Variants in UPF1 observed in about 807,000 individuals in gnomAD.
UPF1 encodes the protein UPF1 RNA helicase and ATPase.
In UPF1, 9 loss-of-function variants were observed where a neutral mutation model predicts 129.2. The observed-to-expected ratio is 0.07, with a 90% CI of 0.04 to 0.12. UPF1 has a LOEUF of 0.12. Among genes scored for constraint, UPF1 ranks in the 10% least tolerant of loss-of-function variants. The probability of loss-of-function intolerance (pLI) is 1.00; values close to 1 mark genes in which losing one functional copy is unlikely to be tolerated. For missense variants in UPF1, 788 were observed against 1,525.3 expected, an observed-to-expected ratio of 0.52 and a Z score of 8.05; for synonymous variants, 649 against 644.9, an observed-to-expected ratio of 1.01 and a Z score of -0.10.
At chr19:18,855,545 C>G (rs2055708051) in intron 11 of UPF1, 1 of 525,918 alleles carries the variant, frequency 1.9e-6, no homozygotes, top group Non-Finnish European at 3.4e-6. Context: ...AAGTTCCAGC[C>G]TTGGCATTGC....
intron 17 of UPF1, 97 bp downstream of exon 17, chr19:18,861,079 T>A: frequency 6.9e-7 from 1 of 1,445,926 alleles, no homozygotes; most frequent in South Asian, 1.4e-5. Context: ...CCGTCCTGGC[T>A]GGAGCTCAGA....
chr19:18,861,580 C>T (rs2055779774), intron 17 of UPF1, among the ~76,000 whole-genome samples: 2 of 152,218 alleles, frequency 1.3e-5, no homozygotes, highest in South Asian at 4.1e-4. Flanking sequence ...CACCTGGAGT[C>T]CCAGCACTTT....
intron 17 of UPF1, among the ~76,000 whole-genome samples, 193 bp downstream of exon 17, chr19:18,861,175 C>G (rs140881005): frequency 1.0e-3 from 152 of 152,354 alleles, no homozygotes; most frequent in Non-Finnish European, 1.6e-3. Flanking sequence ...TCCACATGAT[C>G]AGGACAGAGA....
intron 6 of UPF1, among the ~76,000 whole-genome samples, chr19:18,852,774 C>T (rs1021448592): frequency 2.6e-5 from 4 of 151,984 alleles, no homozygotes; most frequent in African/African-American, 4.8e-5. Context: ...AGCCTCCAGA[C>T]GGGATTGGCC....
At chr19:18,855,853 A>G (rs2055711251) in intron 11 of UPF1, 72 bp from the exon 12 acceptor site, 1 of 1,559,316 alleles carries the variant, frequency 6.4e-7, no homozygotes, top group African/African-American at 1.4e-5. Flanking sequence ...GTCTCAAAAA[A>G]CAGAGTCTTG....
At chr19:18,840,417 G>A (rs1601096955) in intron 1 of UPF1, among the ~76,000 whole-genome samples, 1 of 152,196 alleles carries the variant, frequency 6.6e-6, no homozygotes, top group Non-Finnish European at 1.5e-5. Flanking sequence ...GGGAGGCACC[G>A]TCCTGAGGGC....
At chr19:18,835,919 G>A (rs2055479183) in intron 1 of UPF1, among the ~76,000 whole-genome samples, 2 of 152,220 alleles carry the variant, frequency 1.3e-5, no homozygotes, top group Non-Finnish European at 2.9e-5. Flanking sequence ...AACCCTACCT[G>A]AACTGGTTTT....
rs1337197176 is a variant in UPF1, at chr19:18,845,275, G to A, written c.232-705G>A. ...GCCTATGGGGGCCATGCCAGGGACTGTTGGCCATGTCATTTGAGGTGCTGG... is the reference window on the plus strand; with the variant it reads ...GCCTATGGGGGCCATGCCAGGGACTATTGGCCATGTCATTTGAGGTGCTGG... On this transcript the variant is annotated intron_variant, in intron 1 of 23. Transcript: ENST00000262803. Among the ~76,000 whole-genome samples the A allele has an allele frequency of 2.0e-5, 3 of 152,348 alleles. No individual in the cohort carries two copies. In the East Asian group the frequency reaches 5.8e-4, roughly 29 times the overall value.
chr19:18,850,551 G>A lies in UPF1; in HGVS notation c.630-137G>A. ...AGGGAGATGCGATTTATTACTAACA[G>A]TTTGAAGGTAATGTGATCACATAAT... is the stretch of plus-strand genomic sequence containing the variant. On this transcript the variant is annotated intron_variant, in intron 4 of 23. Transcript: ENST00000262803. The surrounding 1 kb of genome is among the most constrained non-coding windows in gnomAD (Gnocchi z 7.1). 9.9e-7 allele frequency: 1 copy of A among 1,005,620 alleles called. No homozygotes were observed. The highest frequency in any genetic ancestry group is 1.4e-6 in the Non-Finnish European group (1 of 716,800). 62.3% of individuals were successfully genotyped at this position (1,005,620 alleles called of 1,614,324 possible). A position where few individuals can be genotyped will look rare whatever the true frequency, so the allele number is the denominator to read the frequency against.
In UPF1 at chr19:18,856,255, G is replaced by A; in HGVS notation, c.1779G>A (p.Lys593=). 1 of 1,608,228 alleles carries A rather than the reference G, an allele frequency of 6.2e-7. No individual in the cohort carries two copies. Among genetic ancestry groups the A allele is most frequent in the Non-Finnish European group, 8.5e-7 (1 of 1,175,338 alleles). The stretch of plus-strand genomic sequence containing the variant: ...GGGAGCTGTCGTCTGCCGACGAGAA[G>A]CGGTACCGGGCCTTGAAGCGCACCG... ...ETGELSSADE[K]RYRALKRTAE... Residue 593 remains lysine, a synonymous_variant, in exon 13 of 24, where the codon AAG becomes AAA. Transcript: ENST00000262803.
chr19:18,832,279 C>T lies in UPF1; in HGVS notation c.70C>T (p.Leu24Phe). Residue 24 changes from leucine to phenylalanine, a missense_variant, in exon 1 of 24, where the codon CTT (leucine) becomes TTT (phenylalanine). This residue lies in a region of UPF1 where 112 missense variants were observed against 128.2 expected (regional missense o/e 0.87). Coordinates refer to ENST00000262803, the MANE Select transcript of UPF1 (RefSeq NM_002911.4). This position sits in a 1 kb window ranked among gnomAD's most constrained non-coding sequence, Gnocchi z 5.6. ...CCTGGACACGGAGGAGGCCGAGCTG[C>T]TTGGCGCCGACACACAGGGCTCCGA... is the stretch of plus-strand genomic sequence containing the variant. Reference protein sequence around the residue: ...TFLDTEEAELLGADTQGSEFE... With the variant: ...TFLDTEEAELFGADTQGSEFE... 1 of 1,546,950 alleles carries T rather than the reference C, an allele frequency of 6.5e-7. No individual in the cohort carries two copies. The highest frequency in any genetic ancestry group is 8.7e-7 in the Non-Finnish European group (1 of 1,146,228).
intron 1 of UPF1, among the ~76,000 whole-genome samples, chr19:18,838,057 C>T (rs975939700): frequency 5.9e-5 from 9 of 152,246 alleles, no homozygotes; most frequent in Non-Finnish European, 1.2e-4. Flanking sequence ...TCTTCAAAGC[C>T]ATTGTCCTGA....
chr19:18,838,055 G>C (rs2055501832), intron 1 of UPF1, among the ~76,000 whole-genome samples: 1 of 152,226 alleles, frequency 6.6e-6, no homozygotes, highest in Admixed American at 6.5e-5. Context: ...TGTCTTCAAA[G>C]CCATTGTCCT....
At chr19:18,846,152 C>T (rs1033002626) in intron 2 of UPF1, 33 bp downstream of exon 2, 1 of 1,612,052 alleles carries the variant, frequency 6.2e-7, no homozygotes, top group Non-Finnish European at 8.5e-7. Flanking sequence ...TGGGCATGTG[C>T]TGGACAGGTG....
At position 18,856,027 on chromosome 19, in the gene UPF1, T is replaced by C; in HGVS notation, c.1647T>C (p.Arg549=). 1 of 1,614,058 alleles carries C rather than the reference T, an allele frequency of 6.2e-7. No homozygotes were observed. The highest frequency in any genetic ancestry group is 8.5e-7 in the Non-Finnish European group (1 of 1,180,032). ...LKVVRLCAKS[R]EAIDSPVSFL... ...TCGTGCGCCTCTGCGCCAAGAGCCG[T>C]GAGGCCATCGACTCCCCGGTGTCTT... Residue 549 remains arginine, a synonymous_variant, in exon 12 of 24, where the codon CGT becomes CGC. Transcript: ENST00000262803.
intron 3 of UPF1, among the ~76,000 whole-genome samples, chr19:18,848,769 A>G (rs1417624111): frequency 6.6e-6 from 1 of 152,114 alleles, no homozygotes; most frequent in Non-Finnish European, 1.5e-5. Flanking sequence ...CTGTTTTTAA[A>G]AGATTTTAAA....
intron 18 of UPF1, chr19:18,863,208 C>T (rs984137819): frequency 2.0e-6 from 1 of 501,044 alleles, no homozygotes. Flanking sequence ...AGCCAGGTGT[C>T]TGCCATGGGG....
rs200196802 is a variant in UPF1 at position 18,850,040 on chromosome 19, T to G, written c.462-35T>G. Reference sequence around the variant, plus strand: ...ATTGGAAGTGGTGAAAAGCCAAATTTTGGGTGTTAACCGTTTATCATTTCC... The same window carrying G: ...ATTGGAAGTGGTGAAAAGCCAAATTGTGGGTGTTAACCGTTTATCATTTCC... On this transcript the variant is annotated intron_variant, in intron 3 of 23. Coordinates refer to ENST00000262803, the MANE Select transcript of UPF1 (RefSeq NM_002911.4). This position sits in a 1 kb window ranked among gnomAD's most constrained non-coding sequence, Gnocchi z 7.1. The G allele has an allele frequency of 1.0e-4, 165 of 1,613,096 alleles. No individual in the cohort carries two copies. Among genetic ancestry groups the G allele is most frequent in the Non-Finnish European group, 2.1e-5 (25 of 1,179,674 alleles).
At chr19:18,834,950 A>G (rs2055467803) in intron 1 of UPF1, among the ~76,000 whole-genome samples, 1 of 152,170 alleles carries the variant, frequency 6.6e-6, no homozygotes, top group Admixed American at 6.5e-5. Context: ...TTGAAATAGA[A>G]TTCACTTGCC....
Sources: gnomAD v4.1 joint callset for allele counts (sites outside exome capture counted in the v4.1 genomes callset) on GRCh38, gnomAD v4.1.1 for gene constraint, gnomAD v4.1.1 regional missense constraint, Gnocchi (gnomAD v3.1) non-coding constraint, MANE v1.5 for transcripts, NCBI Gene and HGNC (gene_info 2026-07-23, HGNC 2026-07-21) for gene names.